Variants in FDFT1 observed in about 807,000 individuals in gnomAD.
The protein encoded by FDFT1 is farnesyl-diphosphate farnesyltransferase 1.
A neutral mutation model predicts 46.8 loss-of-function variants in FDFT1; 68 were observed. The observed-to-expected ratio is 1.45, with a 90% CI of 1.19 to 1.78. FDFT1 has a LOEUF of 1.78. FDFT1 is among the 40% of genes most tolerant of loss of function. The pLI, the probability that FDFT1 is intolerant of heterozygous loss-of-function variation, is 0.00. For synonymous variants in FDFT1, 351 were observed against 185.1 expected (o/e 1.90, Z -7.28); for missense variants, 928 against 524.4 (o/e 1.77, Z -7.52).
intron 7 of FDFT1, among the ~76,000 whole-genome samples, chr8:11,834,903 C>G (rs1053534651): frequency 6.6e-6 from 1 of 152,182 alleles, no homozygotes; most frequent in African/African-American, 2.4e-5. Flanking sequence ...GCAGGCAGAT[C>G]ACTTGAGGTA....
At chr8:11,804,563 A>C (rs975343609) in intron 1 of FDFT1, among the ~76,000 whole-genome samples, 15 of 151,592 alleles carry the variant, frequency 9.9e-5, no homozygotes, top group African/African-American at 3.6e-4. Context: ...AAATTGGAAA[A>C]ATACATTTCC....
Position 11,826,086 on chromosome 8 carries a change from G to C in FDFT1, c.573G>C (p.Glu191Asp), listed in dbSNP as rs764764390. ...IGLSRLFSASEFEDPLVGEDT... is the reference protein window; with the variant it reads ...IGLSRLFSASDFEDPLVGEDT... ...TTTCCCGTCTTTTCTCAGCCTCAGA[G>C]TTTGAAGACCCCTTAGTTGGTGAAG... Residue 191 changes from glutamate to aspartate, a missense_variant, in exon 5 of 8, where the codon GAG becomes GAC. Transcript: ENST00000220584. 3 of 1,610,052 alleles carry C rather than the reference G, an allele frequency of 1.9e-6. No individual in the cohort carries two copies. The highest frequency in any genetic ancestry group is 2.2e-5 in the South Asian group (2 of 90,846).
Position 11,809,789 on chromosome 8 carries a change from C to T in FDFT1, c.320C>T (p.Pro107Leu). The T allele has an allele frequency of 1.2e-6, 2 of 1,614,152 alleles. No homozygotes were observed. Among genetic ancestry groups the T allele is most frequent in the Non-Finnish European group, 8.5e-7 (1 of 1,180,008 alleles). The change falls in exon 3 of 8, where the codon CCA becomes CTA. Residue 107 changes from proline (P) to leucine (L), a missense_variant. Physicochemically the swap from Pro to Leu is moderately conservative, Grantham distance 98. Coordinates refer to ENST00000220584, the MANE Select transcript of FDFT1 (RefSeq NM_004462.5). ...LHNFHSFLYQPDWRFMESKEK... is the reference protein window; with the variant it reads ...LHNFHSFLYQLDWRFMESKEK... Reference sequence around the variant, plus strand: ...AACTTTCACTCTTTCCTTTACCAACCAGACTGGCGGTTCATGGAGAGCAAG... The same window carrying T: ...AACTTTCACTCTTTCCTTTACCAACTAGACTGGCGGTTCATGGAGAGCAAG...
rs764438754 is a variant in FDFT1 at position 11,803,133 on chromosome 8, C to A, written c.99+202C>A. On this transcript the variant is annotated intron_variant, in intron 1 of 7. Coordinates refer to ENST00000220584, the MANE Select transcript of FDFT1 (RefSeq NM_004462.5). ...CCGTCCTGGCTGACCTGTCCCTGCC[C>A]CCGCAAGCCGCCCTGGGCATGAGCG... 3.6e-5 allele frequency: 51 copies of A among 1,428,080 alleles called. 1 individual carries two copies. Among genetic ancestry groups the A allele is most frequent in the Middle Eastern group, 2.3e-4 (1 of 4,282 alleles). The allele number at this position is 1,428,080 out of a possible 1,614,324, so 88.5% of individuals were successfully genotyped here.
At chr8:11,808,504 G>T (rs1807204260) in intron 1 of FDFT1, 3 of 1,329,030 alleles carry the variant, frequency 2.3e-6, no homozygotes, top group Non-Finnish European at 9.6e-7. Context: ...AACTCCGCGG[G>T]GTCCGCGATT....
chr8:11,829,715 C>G (rs558375752), intron 5 of FDFT1, among the ~76,000 whole-genome samples: 1 of 152,294 alleles, frequency 6.6e-6, no homozygotes, highest in African/African-American at 2.4e-5. Context: ...TAACTCACTT[C>G]CAGGTTGCAA....
chr8:11,820,291 C>A (rs1052379183), intron 3 of FDFT1, among the ~76,000 whole-genome samples: 1 of 152,114 alleles, frequency 6.6e-6, no homozygotes, highest in Non-Finnish European at 1.5e-5. Flanking sequence ...CCCAGTCAGG[C>A]TACATGGGGC....
upstream of FDFT1, among the ~76,000 whole-genome samples, chr8:11,797,487 C>T (rs934735881): frequency 2.0e-5 from 3 of 150,986 alleles, no homozygotes; most frequent in African/African-American, 7.3e-5. Context: ...CCCATGTCTC[C>T]TGCCACATTG....
At chr8:11,809,381 C>G (rs1290629518) in intron 2 of FDFT1, 3 of 1,158,356 alleles carry the variant, frequency 2.6e-6, no homozygotes, top group Admixed American at 4.3e-5. Context: ...AACGTTTGGT[C>G]TTCTGGTCTC....
intron 4 of FDFT1, among the ~76,000 whole-genome samples, chr8:11,824,485 C>T (rs1266718817): frequency 1.3e-5 from 2 of 152,140 alleles, no homozygotes; most frequent in South Asian, 2.1e-4. Context: ...AACTCTTAGC[C>T]CCTGCCACAG....
At chr8:11,815,049 T>C (rs1808263353) in intron 3 of FDFT1, among the ~76,000 whole-genome samples, 1 of 152,082 alleles carries the variant, frequency 6.6e-6, no homozygotes, top group African/African-American at 2.4e-5. Flanking sequence ...CCCCGGTATG[T>C]GATGTTCCCC....
chr8:11,801,508 C>T (rs1241507627), upstream of FDFT1, among the ~76,000 whole-genome samples: 3 of 152,210 alleles, frequency 2.0e-5, no homozygotes, highest in East Asian at 1.9e-4. Flanking sequence ...TTAGTAGAGA[C>T]GCAGTTTCAG....
At chr8:11,814,552 T>G (rs1265180914) in intron 3 of FDFT1, among the ~76,000 whole-genome samples, 2 of 152,344 alleles carry the variant, frequency 1.3e-5, no homozygotes, top group East Asian at 3.9e-4. Flanking sequence ...CTCTCATGTT[T>G]TAAGACTTCC....
At chr8:11,797,228 C>T (rs941534320) in intron 1 of FDFT1, among the ~76,000 whole-genome samples, 4 of 152,148 alleles carry the variant, frequency 2.6e-5, no homozygotes, top group Admixed American at 6.5e-5. Flanking sequence ...AGTCGAATCT[C>T]GCCTTCTATC....
At chr8:11,819,285 T>C (rs763963987) in intron 3 of FDFT1, among the ~76,000 whole-genome samples, 6 of 152,224 alleles carry the variant, frequency 3.9e-5, no homozygotes, top group Non-Finnish European at 8.8e-5. Context: ...TTAACATTTT[T>C]TCCTTCATTT....
intron 4 of FDFT1, among the ~76,000 whole-genome samples, chr8:11,823,831 C>T (rs112392263): frequency 0.02 from 3,015 of 152,250 alleles, 105 homozygotes; most frequent in African/African-American, 0.069. Context: ...GCAGCCTTCA[C>T]CTCCTGTGCT....
chr8:11,837,655 C>G (rs1325802966), intron 7 of FDFT1, among the ~76,000 whole-genome samples: 2 of 151,906 alleles, frequency 1.3e-5, no homozygotes, highest in Non-Finnish European at 2.9e-5. Flanking sequence ...CTTTTTTTCT[C>G]CAGGTGAGAG....
intron 7 of FDFT1, among the ~76,000 whole-genome samples, chr8:11,837,482 T>C (rs1377812666): frequency 6.6e-6 from 1 of 152,170 alleles, no homozygotes; most frequent in African/African-American, 2.4e-5. Flanking sequence ...TCTACGTGCC[T>C]CAGCCTCCTG....
chr8:11,803,076 G>C (rs1043352877), intron 1 of FDFT1, 145 bp downstream of exon 1: 1 of 1,447,456 alleles, frequency 6.9e-7, no homozygotes, highest in East Asian at 2.5e-5. Context: ...CTTTCCTCGA[G>C]CCTTCCCCCT....
Sources: gnomAD v4.1 joint callset for allele counts (sites outside exome capture counted in the v4.1 genomes callset) on GRCh38, gnomAD v4.1.1 for gene constraint, MANE v1.5 for transcripts, NCBI Gene and HGNC (gene_info 2026-07-23, HGNC 2026-07-21) for gene names.